Variants in RTN3 observed in about 807,000 individuals in gnomAD.
The protein encoded by RTN3 is reticulon 3.
A neutral mutation model predicts 77.8 loss-of-function variants in RTN3; 49 were observed. The observed-to-expected ratio is 0.63, with a 90% CI of 0.50 to 0.80. RTN3 has a LOEUF of 0.80. Among genes scored for constraint, RTN3 ranks in the 30% least tolerant of loss-of-function variants. RTN3 has a pLI of 0.00. For synonymous variants in RTN3, 464 were observed against 446.9 expected (o/e 1.04, Z -0.48); for missense variants, 1,236 against 1,211.9 (o/e 1.02, Z -0.29).
In RTN3 at chr11:63,720,660, A is replaced by G; in HGVS notation, c.2158A>G (p.Ser720Gly). Residue 720 changes from serine to glycine, a missense_variant, in exon 3 of 9, where the codon AGT (serine) becomes GGT (glycine). Ser to Gly is a moderately conservative substitution (Grantham distance 56). Transcript: ENST00000377819. ...TGAACAAAGCAAAGAAACAAATGGAAGTGAGCCTCTAGGTGTTTTCCCTAC... is the reference window on the plus strand; with the variant it reads ...TGAACAAAGCAAAGAAACAAATGGAGGTGAGCCTCTAGGTGTTTTCCCTAC... ...YSEQSKETNG[S>G]EPLGVFPTQG... The G allele has an allele frequency of 6.2e-7, 1 of 1,614,154 alleles. No homozygotes were observed. Among genetic ancestry groups the G allele is most frequent in the Non-Finnish European group, 8.5e-7 (1 of 1,180,016 alleles).
chr11:63,719,828 A>G lies in RTN3; in HGVS notation c.1326A>G (p.Lys442=), dbSNP rs112690371. Residue 442 remains lysine (K), a synonymous_variant, in exon 3 of 9, where the codon AAA becomes AAG. Transcript: ENST00000377819. ...AAGGTGTGCAAGGCAATATGCAGAA[A>G]CAGGATGACACACTTGCAGAATTAC... ...SIKGVQGNMQ[K]QDDTLAELPG... 809 of 1,614,224 alleles carry G rather than the reference A, an allele frequency of 5.0e-4. 3 individuals are homozygous for G. The African/African-American group carries it at 9.2e-3, about 18-fold the overall frequency.
At chr11:63,744,912 AG>A (rs1307773065) in intron 3 of RTN3, among the ~76,000 whole-genome samples, 1 of 152,218 alleles carries the variant, frequency 6.6e-6, no homozygotes, top group African/African-American at 2.4e-5. Context: ...GGATGGCTTG[AG>A]CCCAGGAGGC....
intron 3 of RTN3, among the ~76,000 whole-genome samples, chr11:63,734,775 A>AC (rs1555077884): frequency 2.8e-5 from 4 of 144,322 alleles, no homozygotes; most frequent in Non-Finnish European, 6.1e-5. Context: ...ACACACACAC[A>AC]CACACACCAT....
chr11:63,683,345 T>G lies in RTN3; in HGVS notation c.142+1567T>G, dbSNP rs546489164. Among the ~76,000 whole-genome samples the G allele has an allele frequency of 5.3e-4, 80 of 152,358 alleles. 1 individual carries two copies. The highest frequency in any genetic ancestry group is 1.8e-3 in the African/African-American group (74 of 41,584). ...AACTTGATCTTTTTGCTTTAATCACTTGTCATTGCTTACTGTTTGGTAGGC... is the reference window on the plus strand; with the variant it reads ...AACTTGATCTTTTTGCTTTAATCACGTGTCATTGCTTACTGTTTGGTAGGC... On this transcript the variant is annotated intron_variant, in intron 1 of 8. Coordinates refer to ENST00000377819, the MANE Select transcript of RTN3 (RefSeq NM_001265589.2).
Position 63,750,021 on chromosome 11 carries a change from A to G in RTN3, c.2561A>G (p.Lys854Arg), listed in dbSNP as rs765446206. The G allele has an allele frequency of 2.5e-6, 4 of 1,613,880 alleles. No homozygotes were observed. Among genetic ancestry groups the G allele is most frequent in the Non-Finnish European group, 3.4e-6 (4 of 1,179,800 alleles). ...GATCTGATTTTCTGGAGAGATGTGA[A>G]GAAGACTGGGTTTGTCTTTGGCACC... The part of the protein sequence containing the change: ...VHDLIFWRDV[K>R]KTGFVFGTTL... Residue 854 changes from lysine (K) to arginine (R), a missense_variant, in exon 4 of 9, where the codon AAG becomes AGG. This residue lies in a region of RTN3 where 39 missense variants were observed against 66.6 expected (regional missense o/e 0.59). Coordinates refer to ENST00000377819, the MANE Select transcript of RTN3 (RefSeq NM_001265589.2).
At chr11:63,734,781 A>ACACCCCCCC (rs778043704) in intron 3 of RTN3, among the ~76,000 whole-genome samples, 2 of 104,998 alleles carry the variant, frequency 1.9e-5, no homozygotes, top group African/African-American at 7.7e-5. Context: ...ACACACACAC[A>ACACCCCCCC]CCATACTGGA....
rs202037688 is a variant in RTN3 at position 63,720,493 on chromosome 11, A to C, written c.1991A>C (p.Lys664Thr). Residue 664 changes from lysine to threonine, a missense_variant, in exon 3 of 9, where the codon AAA becomes ACA. Coordinates refer to ENST00000377819, the MANE Select transcript of RTN3 (RefSeq NM_001265589.2). Reference sequence around the variant, plus strand: ...GCAGCCTTTACAGAAACCAGAGATAAAGGAATAGTAGATAGTGAAAGAAAT... The same window carrying C: ...GCAGCCTTTACAGAAACCAGAGATACAGGAATAGTAGATAGTGAAAGAAAT... ...LIAAFTETRD[K>T]GIVDSERNAF... 69 of 1,613,488 alleles carry C rather than the reference A, an allele frequency of 4.3e-5. No homozygotes were observed. Among genetic ancestry groups the C allele is most frequent in the Non-Finnish European group, 5.4e-5 (64 of 1,179,838 alleles).
intron 3 of RTN3, among the ~76,000 whole-genome samples, chr11:63,732,230 T>C (rs2012743407): frequency 6.6e-6 from 1 of 152,076 alleles, no homozygotes; most frequent in Admixed American, 6.6e-5. Context: ...ATGATCATAG[T>C]TCATTGTAAT....
chr11:63,682,992 CA>C (rs1289148249), intron 1 of RTN3, among the ~76,000 whole-genome samples: 2 of 152,004 alleles, frequency 1.3e-5, no homozygotes, highest in Admixed American at 6.6e-5. Context: ...GGATTTTGAT[CA>C]TTTTTTTTTA....
intron 3 of RTN3, among the ~76,000 whole-genome samples, chr11:63,733,967 C>G (rs919606658): frequency 5.3e-5 from 8 of 152,068 alleles, no homozygotes; most frequent in African/African-American, 1.9e-4. Context: ...TATATACACA[C>G]ACACATTCAG....
At chr11:63,743,229 GAACCTTTAATACAGTGTTA>G (rs564049443) in intron 3 of RTN3, among the ~76,000 whole-genome samples, 3 of 152,232 alleles carry the variant, frequency 2.0e-5, no homozygotes, top group Non-Finnish European at 2.9e-5. Flanking sequence ...GAGCTGGCTA[GAACCTTTAATACAGTGTTA>G]AACAGGAGTA....
chr11:63,746,984 C>G (rs755258780), intron 3 of RTN3: 1 of 456,048 alleles, frequency 2.2e-6, no homozygotes. Flanking sequence ...CTCATCCTGT[C>G]TCCTTACTCT....
chr11:63,751,790 A>C (rs1057306097), intron 4 of RTN3, among the ~76,000 whole-genome samples: 4 of 152,184 alleles, frequency 2.6e-5, no homozygotes, highest in Non-Finnish European at 4.4e-5. Flanking sequence ...TCAGGAGTTC[A>C]AGACTAGCCT....
At chr11:63,742,519 C>T (rs1036946300) in intron 3 of RTN3, among the ~76,000 whole-genome samples, 3 of 151,826 alleles carry the variant, frequency 2.0e-5, no homozygotes, top group Admixed American at 1.3e-4. Flanking sequence ...GTGGCACACG[C>T]CTGTAATCCC....
At chr11:63,721,302 C>T (rs1432797053) in intron 3 of RTN3, among the ~76,000 whole-genome samples, 7 of 152,092 alleles carry the variant, frequency 4.6e-5, no homozygotes, top group African/African-American at 1.2e-4. Flanking sequence ...TCGCTGGGTA[C>T]GGTGGCTCAC....
chr11:63,753,876 G>A (rs750968908), intron 7 of RTN3, among the ~76,000 whole-genome samples, 168 bp downstream of exon 7: 33 of 152,218 alleles, frequency 2.2e-4, no homozygotes, highest in Non-Finnish European at 3.8e-4. Flanking sequence ...TTCCTCCAAG[G>A]AGAGAAACTG....
chr11:63,724,435 G>A (rs1367371113), intron 3 of RTN3, among the ~76,000 whole-genome samples: 10 of 148,778 alleles, frequency 6.7e-5, no homozygotes, highest in South Asian at 2.1e-4. Flanking sequence ...TGCCCACCTC[G>A]GCCTCCCAAA....
chr11:63,750,305 T>C, intron 4 of RTN3, 107 bp downstream of exon 4: 3 of 901,214 alleles, frequency 3.3e-6, no homozygotes. Flanking sequence ...TTATGGGGCC[T>C]AATGCAGCTG....
chr11:63,698,274 G>A (rs1942067251), intron 1 of RTN3, among the ~76,000 whole-genome samples: 1 of 152,080 alleles, frequency 6.6e-6, no homozygotes, highest in Non-Finnish European at 1.5e-5. Flanking sequence ...ACAGGAGCAA[G>A]CCAGCATGCC....
Sources: gnomAD v4.1 joint callset for allele counts (sites outside exome capture counted in the v4.1 genomes callset) on GRCh38, gnomAD v4.1.1 for gene constraint, gnomAD v4.1.1 regional missense constraint, MANE v1.5 for transcripts, NCBI Gene and HGNC (gene_info 2026-07-23, HGNC 2026-07-21) for gene names.